The following GXYLT2 variants were observed in gnomAD, a reference collection of about 807,000 sequenced individuals.
The protein encoded by GXYLT2 is glucoside xylosyltransferase 2.
A neutral mutation model predicts 45.8 loss-of-function variants in GXYLT2; 53 were observed. The ratio of observed to expected loss-of-function variants is 1.16; its 90% CI spans 0.93 to 1.46. The LOEUF (loss-of-function observed/expected upper bound fraction) is 1.46. GXYLT2 is among the 40% of genes most tolerant of loss of function. The pLI is 0.00. For synonymous variants in GXYLT2, 219 were observed against 214.2 expected, an observed-to-expected ratio of 1.02 and a Z score of -0.19; for missense variants, 551 against 544.4, an observed-to-expected ratio of 1.01 and a Z score of -0.12.
intron 3 of GXYLT2, among the ~76,000 whole-genome samples, chr3:72,935,333 A>C (rs989777631): frequency 6.6e-6 from 1 of 152,170 alleles, no homozygotes; most frequent in Admixed American, 6.6e-5. Flanking sequence ...ACAAAAACTA[A>C]ATAGAAGGAG....
intron 3 of GXYLT2, among the ~76,000 whole-genome samples, chr3:72,932,947 A>G (rs770035649): frequency 9.2e-5 from 14 of 152,246 alleles, no homozygotes; most frequent in Non-Finnish European, 1.9e-4. Flanking sequence ...CTTTGTAACC[A>G]GAAGAAATAA....
At chr3:72,947,204 G>A (rs1462953481) in intron 3 of GXYLT2, among the ~76,000 whole-genome samples, 2 of 151,970 alleles carry the variant, frequency 1.3e-5, no homozygotes, top group Non-Finnish European at 2.9e-5. Context: ...TTCTATCTAA[G>A]CAAAGACAAA....
rs904327305 is a variant in GXYLT2 at position 72,976,745 on chromosome 3, T to C, written c.*1586T>C. The stretch of plus-strand genomic sequence containing the variant: ...GATCTTGATATTTGCAACAGCCTAG[T>C]GGATTTGGTAGGGTCCTGAATCATC... On this transcript the variant is annotated 3_prime_UTR_variant, in exon 7 of 7. Coordinates refer to ENST00000389617, the MANE Select transcript of GXYLT2 (RefSeq NM_001080393.2). 6.6e-6 allele frequency: 1 copy of C among 152,198 alleles called. No individual in the cohort carries two copies. Among genetic ancestry groups the C allele is most frequent in the Non-Finnish European group, 1.5e-5 (1 of 68,032 alleles). 9.4% of individuals were successfully genotyped at this position (152,198 alleles called of 1,614,324 possible).
intron 3 of GXYLT2, chr3:72,927,192 G>A (rs534723684): frequency 2.0e-5 from 3 of 152,312 alleles, no homozygotes; most frequent in East Asian, 3.9e-4. Flanking sequence ...TCCTTCCTAG[G>A]CCTCCTAAAG....
At chr3:72,911,993 G>GTGTA (rs1381632448) in intron 2 of GXYLT2, among the ~76,000 whole-genome samples, 2 of 122,938 alleles carry the variant, frequency 1.6e-5, no homozygotes, top group Non-Finnish European at 3.1e-5. Context: ...GTGTGTGTGT[G>GTGTA]TATATATATA....
chr3:72,938,922 C>T (rs1008366267), intron 3 of GXYLT2, among the ~76,000 whole-genome samples: 2 of 152,182 alleles, frequency 1.3e-5, no homozygotes, highest in African/African-American at 2.4e-5. Flanking sequence ...TTTGCAAAGA[C>T]TAAACTGATC....
rs148577160 is a variant in GXYLT2, at chr3:72,896,674, C to G, written c.275+8166C>G. ...GACCATCCTGGCCAATATGGTGAAA[C>G]CTGGTCTCTACCAAAAATACAAAAA... On this transcript the variant is annotated intron_variant, in intron 1 of 6. Coordinates refer to ENST00000389617, the MANE Select transcript of GXYLT2 (RefSeq NM_001080393.2). Among the ~76,000 whole-genome samples, 986 of 152,070 alleles carry G rather than the reference C, an allele frequency of 6.5e-3. 13 individuals are homozygous for G. The highest frequency in any genetic ancestry group is 0.023 in the African/African-American group (942 of 41,492).
At chr3:72,912,169 C>T (rs976861068) in intron 2 of GXYLT2, among the ~76,000 whole-genome samples, 1 of 151,536 alleles carries the variant, frequency 6.6e-6, no homozygotes, top group Non-Finnish European at 1.5e-5. Context: ...GCCACCACGC[C>T]CGGCTAATTT....
chr3:72,892,827 G>A (rs1426985734), intron 1 of GXYLT2, among the ~76,000 whole-genome samples: 1 of 152,190 alleles, frequency 6.6e-6, no homozygotes, highest in African/African-American at 2.4e-5. Context: ...TATGTAGTGT[G>A]AGTCTTGATT....
intron 3 of GXYLT2, among the ~76,000 whole-genome samples, chr3:72,953,623 G>T (rs1710569035): frequency 6.6e-6 from 1 of 152,094 alleles, no homozygotes; most frequent in South Asian, 2.1e-4. Flanking sequence ...CACTCTCATT[G>T]TTTATCTGTT....
intron 3 of GXYLT2, among the ~76,000 whole-genome samples, chr3:72,944,267 T>TC (rs1230201564): frequency 6.6e-6 from 1 of 150,634 alleles, no homozygotes. Flanking sequence ...TTTTTTCTTT[T>TC]TTTTTTTGAG....
chr3:72,962,706 G>C (rs1003494198), intron 5 of GXYLT2, among the ~76,000 whole-genome samples: 1 of 152,154 alleles, frequency 6.6e-6, no homozygotes, highest in African/African-American at 2.4e-5. Flanking sequence ...CCTTTTGTTG[G>C]AGGAGGTAGA....
intron 5 of GXYLT2, among the ~76,000 whole-genome samples, chr3:72,967,127 T>C (rs562464375): frequency 2.0e-5 from 3 of 152,244 alleles, no homozygotes; most frequent in Non-Finnish European, 4.4e-5. Context: ...CTAATCATTT[T>C]ACATGTATGT....
intron 1 of GXYLT2, among the ~76,000 whole-genome samples, chr3:72,906,524 C>A (rs951585985): frequency 6.6e-6 from 1 of 152,180 alleles, no homozygotes; most frequent in Non-Finnish European, 1.5e-5. Flanking sequence ...AGTTACCATC[C>A]ACTTTGACTC....
Position 72,975,218 on chromosome 3 carries a change from T to TA in GXYLT2, c.*61dup. 1 of 1,279,502 alleles carries TA rather than the reference T, an allele frequency of 7.8e-7. No homozygotes were observed. Among genetic ancestry groups the TA allele is most frequent in the Non-Finnish European group, 1.1e-6 (1 of 912,174 alleles). The allele number at this position is 1,279,502 out of a possible 1,614,324, so 79.3% of individuals were successfully genotyped here. A position where few individuals can be genotyped will look rare whatever the true frequency, so the allele number is the denominator to read the frequency against. Reference sequence around the variant, plus strand: ...TTGTGACCAAGGAAATACTAATCTCTAAGCTGCCTGGGTCTTTTTGTGTGA... The same window carrying TA: ...TTGTGACCAAGGAAATACTAATCTCTAAAGCTGCCTGGGTCTTTTTGTGTGA... On this transcript the variant is annotated 3_prime_UTR_variant, in exon 7 of 7. Coordinates refer to ENST00000389617, the MANE Select transcript of GXYLT2 (RefSeq NM_001080393.2).
intron 3 of GXYLT2, among the ~76,000 whole-genome samples, chr3:72,953,593 T>G (rs1241399496): frequency 6.6e-6 from 1 of 152,172 alleles, no homozygotes; most frequent in Admixed American, 6.5e-5. Flanking sequence ...TCTGTTGTTT[T>G]GAAGAAACTG....
Position 72,961,512 on chromosome 3 carries a change from G to A in GXYLT2, c.976+4160G>A, listed in dbSNP as rs956225802. 4.6e-5 allele frequency among the ~76,000 whole-genome samples: 7 copies of A among 152,112 alleles called. No individual in the cohort carries two copies. In the East Asian group the frequency reaches 7.7e-4, roughly 17 times the overall value. On this transcript the variant is annotated intron_variant, in intron 5 of 6. Coordinates refer to ENST00000389617, the MANE Select transcript of GXYLT2 (RefSeq NM_001080393.2). ...GTTTCTGTGATCTTTGCTTCTCTCC[G>A]TGCCAGTCTGATTCTATTCTGTCTC...
At chr3:72,956,814 C>T (rs1348283691) in intron 4 of GXYLT2, among the ~76,000 whole-genome samples, 4 of 150,974 alleles carry the variant, frequency 2.6e-5, no homozygotes, top group African/African-American at 9.7e-5. Flanking sequence ...CGCTTGAACC[C>T]GGGAGGTGGA....
intron 1 of GXYLT2, among the ~76,000 whole-genome samples, chr3:72,893,819 G>A (rs1031968906): frequency 6.6e-6 from 1 of 151,364 alleles, no homozygotes; most frequent in South Asian, 2.1e-4. Context: ...TTTTAAATAG[G>A]TTTTATTTTT....
Sources: gnomAD v4.1 joint callset for allele counts (sites outside exome capture counted in the v4.1 genomes callset) on GRCh38, gnomAD v4.1.1 for gene constraint, MANE v1.5 for transcripts, NCBI Gene and HGNC (gene_info 2026-07-23, HGNC 2026-07-21) for gene names.